Variants in FUT9 observed in about 807,000 individuals in gnomAD.
The protein encoded by FUT9 is fucosyltransferase 9.
Under a neutral mutation model 29.7 loss-of-function variants are expected in FUT9, and 15 were observed. The ratio of observed to expected loss-of-function variants is 0.51; its 90% CI spans 0.34 to 0.78. The LOEUF is 0.78. Among genes scored for constraint, FUT9 ranks in the 30% least tolerant of loss-of-function variants. FUT9 has a pLI of 0.01. For synonymous variants in FUT9, 169 were observed against 153.7 expected (o/e 1.10, Z -0.74); for missense variants, 319 against 425.4 (o/e 0.75, Z 2.20).
Position 96,203,129 on chromosome 6 carries a change from G to T in FUT9, c.-8-19G>T. 2 of 1,558,712 alleles carry T rather than the reference G, an allele frequency of 1.3e-6. No individual in the cohort carries two copies. On this transcript the variant is annotated intron_variant, in intron 2 of 2. Transcript: ENST00000302103. The stretch of plus-strand genomic sequence containing the variant: ...CATTCCCACCGCTACCTCCCCTTCT[G>T]TCTTTCTCTATTTCGTAGGAAAAAT...
chr6:96,026,888 C>G (rs1406247981), intron 1 of FUT9, among the ~76,000 whole-genome samples: 3 of 151,576 alleles, frequency 2.0e-5, no homozygotes, highest in South Asian at 4.1e-4. Flanking sequence ...TATTACTCTT[C>G]GTACTCCTAG....
intron 1 of FUT9, among the ~76,000 whole-genome samples, chr6:96,043,731 G>A (rs910017806): frequency 1.3e-5 from 2 of 152,152 alleles, no homozygotes; most frequent in African/African-American, 2.4e-5. Flanking sequence ...TCCCACAGGG[G>A]CTTTTTGTAA....
intron 1 of FUT9, among the ~76,000 whole-genome samples, chr6:96,078,203 G>A (rs1268869517): frequency 6.6e-6 from 1 of 151,660 alleles, no homozygotes; most frequent in East Asian, 1.9e-4. Flanking sequence ...CCTCAACTGT[G>A]TTTTTCAAAT....
intron 2 of FUT9, among the ~76,000 whole-genome samples, chr6:96,167,417 A>G (rs1057384967): frequency 1.3e-5 from 2 of 152,200 alleles, no homozygotes; most frequent in Non-Finnish European, 2.9e-5. Flanking sequence ...CAGCATCACA[A>G]GGTGGAGGGG....
intron 2 of FUT9, among the ~76,000 whole-genome samples, chr6:96,141,317 C>T (rs1457573538): frequency 6.6e-6 from 1 of 152,092 alleles, no homozygotes; most frequent in Non-Finnish European, 1.5e-5. Context: ...TTTTTATTAG[C>T]TATTCTATGA....
At chr6:96,189,810 G>A (rs1431434322) in intron 2 of FUT9, among the ~76,000 whole-genome samples, 2 of 152,124 alleles carry the variant, frequency 1.3e-5, no homozygotes, top group Non-Finnish European at 2.9e-5. Context: ...CTCTGCAAGT[G>A]AGATGGGGCT....
At chr6:96,203,101 C>G (rs1773757468) in intron 2 of FUT9, 47 bp from the exon 3 acceptor site, 1 of 1,424,462 alleles carries the variant, frequency 7.0e-7, no homozygotes, top group South Asian at 1.4e-5. Flanking sequence ...ATGATTTTCT[C>G]TTCATTCCCA....
At chr6:96,081,058 C>G (rs1771228571) in intron 1 of FUT9, among the ~76,000 whole-genome samples, 1 of 151,836 alleles carries the variant, frequency 6.6e-6, no homozygotes, top group African/African-American at 2.4e-5. Context: ...CTATTCTCTC[C>G]ATCTCCATTG....
intron 2 of FUT9, among the ~76,000 whole-genome samples, chr6:96,150,759 G>T (rs183685959): frequency 2.0e-5 from 3 of 152,170 alleles, no homozygotes; most frequent in African/African-American, 7.2e-5. Context: ...CCAGAATACC[G>T]TGGATCTGTG....
intron 1 of FUT9, among the ~76,000 whole-genome samples, chr6:96,021,258 CAG>C (rs1770063268): frequency 6.6e-6 from 1 of 151,550 alleles, no homozygotes; most frequent in South Asian, 2.1e-4. Flanking sequence ...TTAACTCTGA[CAG>C]AGTTTTTTGT....
chr6:96,187,354 A>C (rs1236486116), intron 2 of FUT9, among the ~76,000 whole-genome samples: 1 of 152,152 alleles, frequency 6.6e-6, no homozygotes, highest in African/African-American at 2.4e-5. Flanking sequence ...GCAACTGCAG[A>C]GTTAGAGGTC....
intron 1 of FUT9, among the ~76,000 whole-genome samples, chr6:96,024,921 T>C (rs1452988201): frequency 2.6e-5 from 4 of 151,922 alleles, no homozygotes; most frequent in African/African-American, 9.6e-5. Flanking sequence ...AGCTTCCTTA[T>C]AGCAGCAAAG....
chr6:96,073,794 C>T (rs1335559209), intron 1 of FUT9, among the ~76,000 whole-genome samples: 2 of 152,150 alleles, frequency 1.3e-5, no homozygotes, highest in East Asian at 3.9e-4. Flanking sequence ...ATATCCAGTG[C>T]TGCCTCTCAT....
chr6:96,023,319 T>C (rs1770106650), intron 1 of FUT9, among the ~76,000 whole-genome samples: 1 of 151,970 alleles, frequency 6.6e-6, no homozygotes, highest in Non-Finnish European at 1.5e-5. Context: ...TTGTCAGAAT[T>C]TATCAGCTGC....
At chr6:96,083,875 T>C (rs1771276859) in intron 1 of FUT9, among the ~76,000 whole-genome samples, 3 of 152,132 alleles carry the variant, frequency 2.0e-5, no homozygotes, top group African/African-American at 7.2e-5. Flanking sequence ...TTCTTTCATC[T>C]ATTCTTGATG....
intron 1 of FUT9, among the ~76,000 whole-genome samples, chr6:96,056,629 A>T (rs925660027): frequency 3.9e-5 from 6 of 152,148 alleles, no homozygotes; most frequent in African/African-American, 1.4e-4. Flanking sequence ...ATGTGCCTGT[A>T]GTCCCAGGTA....
intron 1 of FUT9, among the ~76,000 whole-genome samples, chr6:96,042,266 T>C (rs1453139499): frequency 6.6e-6 from 1 of 152,154 alleles, no homozygotes; most frequent in Non-Finnish European, 1.5e-5. Flanking sequence ...ACCCTAACCT[T>C]AAATATAACT....
intron 1 of FUT9, among the ~76,000 whole-genome samples, chr6:96,022,441 T>A (rs2127921906): frequency 6.6e-6 from 1 of 152,066 alleles, no homozygotes; most frequent in Middle Eastern, 3.4e-3. Context: ...CATCTGGAGG[T>A]GTTGACAGGT....
chr6:96,043,372 A>G (rs1476363744), intron 1 of FUT9, among the ~76,000 whole-genome samples: 1 of 152,232 alleles, frequency 6.6e-6, no homozygotes, highest in South Asian at 2.1e-4. Context: ...TTCTAAGGGT[A>G]TAACTGTTAT....
Sources: gnomAD v4.1 joint callset for allele counts (sites outside exome capture counted in the v4.1 genomes callset) on GRCh38, gnomAD v4.1.1 for gene constraint, MANE v1.5 for transcripts, NCBI Gene and HGNC (gene_info 2026-07-23, HGNC 2026-07-21) for gene names.